The following SCAI variants were observed in gnomAD, a reference collection of about 807,000 sequenced individuals.
SCAI encodes suppressor of cancer cell invasion.
In SCAI, 24 loss-of-function variants were observed where a neutral mutation model predicts 92.2. That is an observed-to-expected ratio of 0.26 (90% confidence interval 0.19 to 0.37). SCAI has a LOEUF of 0.37. Ranked by LOEUF, SCAI falls within the 10% of genes least tolerant of loss-of-function variation. The pLI, the probability that SCAI is intolerant of heterozygous loss-of-function variation, is 1.00. For synonymous variants in SCAI, 261 were observed against 258.6 expected, an observed-to-expected ratio of 1.01 and a Z score of -0.09; for missense variants, 450 against 736.2, an observed-to-expected ratio of 0.61 and a Z score of 4.50.
chr9:124,946,286 G>C lies in SCAI; in HGVS notation c.*6521C>G, dbSNP rs1831144327. 6.6e-6 allele frequency: 1 copy of C among 152,084 alleles called. No individual in the cohort carries two copies. The highest frequency in any genetic ancestry group is 1.5e-5 in the Non-Finnish European group (1 of 68,028). The allele number at this position is 152,084 out of a possible 1,614,324, so 9.4% of individuals were successfully genotyped here. A position where few individuals can be genotyped will look rare whatever the true frequency, so the allele number is the denominator to read the frequency against. On this transcript the variant is annotated 3_prime_UTR_variant, in exon 18 of 18. Transcript: ENST00000336505. This position sits in a 1 kb window ranked among gnomAD's most constrained non-coding sequence, Gnocchi z 4.0. ...ATTTTAATATTTATTCAAGAAAAATGCTGTTATAATTATTTCTGAATTTAA... is the reference window on the plus strand; with the variant it reads ...ATTTTAATATTTATTCAAGAAAAATCCTGTTATAATTATTTCTGAATTTAA...
chr9:124,957,892 A>G (rs974889233), intron 17 of SCAI, among the ~76,000 whole-genome samples: 7 of 152,124 alleles, frequency 4.6e-5, no homozygotes, highest in Non-Finnish European at 7.4e-5. Context: ...CTTGTTGGCC[A>G]GGCTGGTCTT....
intron 2 of SCAI, among the ~76,000 whole-genome samples, chr9:125,110,746 A>G (rs1172350193): frequency 6.6e-6 from 1 of 152,146 alleles, no homozygotes; most frequent in African/African-American, 2.4e-5. Context: ...GAGCCAATTA[A>G]GCCTATTTCT....
At chr9:125,140,722 G>A (rs1053161355) in intron 2 of SCAI, among the ~76,000 whole-genome samples, 2 of 150,388 alleles carry the variant, frequency 1.3e-5, no homozygotes, top group Non-Finnish European at 3.0e-5. Context: ...AGCTGGGTGA[G>A]GTGTCAGGCG....
intron 6 of SCAI, among the ~76,000 whole-genome samples, chr9:125,025,097 G>A (rs1346995037): frequency 6.6e-6 from 1 of 152,190 alleles, no homozygotes; most frequent in Non-Finnish European, 1.5e-5. Context: ...GATTTTAGCA[G>A]CTGTTGCTGA....
At chr9:125,072,028 C>CTT (rs56309523) in intron 2 of SCAI, among the ~76,000 whole-genome samples, 6,791 of 145,616 alleles carry the variant, frequency 0.047, 401 homozygotes, top group African/African-American at 0.12. Context: ...AGTAGATAGT[C>CTT]TTTTTTTTTT....
At chr9:125,070,784 C>T (rs112681987) in intron 2 of SCAI, among the ~76,000 whole-genome samples, 3,522 of 152,216 alleles carry the variant, frequency 0.023, 143 homozygotes, top group African/African-American at 0.081. Flanking sequence ...TAATCTCATG[C>T]CTGTAATCCC....
intron 2 of SCAI, among the ~76,000 whole-genome samples, chr9:125,060,114 T>A (rs1379934342): frequency 1.3e-5 from 2 of 152,190 alleles, no homozygotes. Context: ...GAAAAGTCTA[T>A]CTCACCATCT....
At chr9:125,006,213 C>T (rs1370558508) in intron 9 of SCAI, among the ~76,000 whole-genome samples, 1 of 152,226 alleles carries the variant, frequency 6.6e-6, no homozygotes, top group African/African-American at 2.4e-5. Context: ...ATGATACAAA[C>T]ATCATACATA....
At chr9:125,050,147 A>G (rs192218381) in intron 3 of SCAI, among the ~76,000 whole-genome samples, 1 of 152,204 alleles carries the variant, frequency 6.6e-6, no homozygotes, top group East Asian at 1.9e-4. Context: ...TTAAAAACTG[A>G]CACTATTCCA....
chr9:124,982,386 AT>A (rs1267454652), intron 14 of SCAI, among the ~76,000 whole-genome samples: 3 of 152,068 alleles, frequency 2.0e-5, no homozygotes, highest in African/African-American at 7.2e-5. Flanking sequence ...TCAAAGTATT[AT>A]TGGGCCGGGC....
intron 3 of SCAI, among the ~76,000 whole-genome samples, chr9:125,051,668 T>C (rs1358396012): frequency 1.3e-5 from 2 of 152,202 alleles, no homozygotes; most frequent in South Asian, 2.1e-4. Context: ...TATGTATCAA[T>C]GTTTAAAAAG....
intron 3 of SCAI, among the ~76,000 whole-genome samples, chr9:125,046,346 T>TGTGA: frequency 9.1e-6 from 1 of 109,452 alleles, no homozygotes; most frequent in African/African-American, 3.4e-5. Context: ...TATATATGTG[T>TGTGA]GTGTGTGTAT....
intron 9 of SCAI, among the ~76,000 whole-genome samples, chr9:125,004,775 A>T (rs1288474199): frequency 0.28 from 3,021 of 10,768 alleles, 526 homozygotes; most frequent in Middle Eastern, 0.5. Context: ...ATATATATAT[A>T]TATATTTTTT....
At chr9:125,059,034 A>T (rs1833725124) in intron 2 of SCAI, among the ~76,000 whole-genome samples, 1 of 152,252 alleles carries the variant, frequency 6.6e-6, no homozygotes, top group African/African-American at 2.4e-5. Context: ...GTGGTAGTGA[A>T]TGGGATAGTT....
intron 14 of SCAI, among the ~76,000 whole-genome samples, chr9:124,993,781 T>C (rs1187628882): frequency 6.6e-6 from 1 of 152,146 alleles, no homozygotes; most frequent in Non-Finnish European, 1.5e-5. Context: ...CTCTCTTGGC[T>C]ACCAGACATT....
At chr9:125,124,106 G>A (rs899856403) in intron 2 of SCAI, among the ~76,000 whole-genome samples, 20 of 152,166 alleles carry the variant, frequency 1.3e-4, no homozygotes, top group Non-Finnish European at 1.8e-4. Context: ...GACAGACTGC[G>A]TCAATGCAGA....
intron 3 of SCAI, among the ~76,000 whole-genome samples, chr9:125,038,440 C>T (rs1286480870): frequency 6.6e-6 from 1 of 152,088 alleles, no homozygotes; most frequent in Non-Finnish European, 1.5e-5. Context: ...TTTATGATTT[C>T]CTTTTGAGCT....
intron 9 of SCAI, among the ~76,000 whole-genome samples, chr9:125,011,560 G>A (rs1320986509): frequency 6.6e-6 from 1 of 152,212 alleles, no homozygotes; most frequent in African/African-American, 2.4e-5. Context: ...CGTCTGATTG[G>A]TGTACCTGAA....
At chr9:125,025,714 C>T (rs1307316090) in intron 6 of SCAI, among the ~76,000 whole-genome samples, 1 of 152,196 alleles carries the variant, frequency 6.6e-6, no homozygotes, top group Non-Finnish European at 1.5e-5. Context: ...CCAGCATCTG[C>T]ACCCCTTACA....
Sources: gnomAD v4.1 joint callset for allele counts (sites outside exome capture counted in the v4.1 genomes callset) on GRCh38, gnomAD v4.1.1 for gene constraint, Gnocchi (gnomAD v3.1) non-coding constraint, MANE v1.5 for transcripts, NCBI Gene and HGNC (gene_info 2026-07-23, HGNC 2026-07-21) for gene names.